The following C9 variants were observed in gnomAD, a reference collection of about 807,000 sequenced individuals.
C9 encodes complement component C9.
A neutral mutation model predicts 65.4 loss-of-function variants in C9; 63 were observed. The ratio of observed to expected loss-of-function variants is 0.96; its 90% CI spans 0.79 to 1.19. C9 has a LOEUF of 1.19. Among genes scored for constraint, C9 ranks in the 50% most tolerant of loss-of-function variants. C9 has a pLI of 0.00. For synonymous variants in C9, 229 were observed against 227.9 expected (o/e 1.00, Z -0.04); for missense variants, 744 against 670.1 (o/e 1.11, Z -1.22).
intron 10 of C9, among the ~76,000 whole-genome samples, chr5:39,286,925 A>C (rs925233498): frequency 6.6e-6 from 1 of 152,002 alleles, no homozygotes; most frequent in Non-Finnish European, 1.5e-5. Context: ...AAGAGATGAA[A>C]ATATGGTTGA....
chr5:39,288,777 G>C lies in C9; in HGVS notation c.1591C>G (p.Pro531Ala), dbSNP rs374608279. Residue 531 changes from proline to alanine, a missense_variant, in exon 10 of 11, where the codon CCA becomes GCA. By Grantham distance (27) the Pro-to-Ala change is conservative (BLOSUM62 -1). Transcript: ENST00000263408. ...LMDGKCLCACPFKFEGIACEI... is the reference protein window; with the variant it reads ...LMDGKCLCACAFKFEGIACEI... ...CAGGCAATTCCCTCAAATTTGAATG[G>C]GCAGGCACACAAACACTTTCCATCC... The C allele has an allele frequency of 6.2e-7, 1 of 1,612,178 alleles. No individual in the cohort carries two copies. Among genetic ancestry groups the C allele is most frequent in the African/African-American group, 1.3e-5 (1 of 74,740 alleles).
In C9 at chr5:39,311,501, C is replaced by G. The variant is rs74592911; in HGVS notation, c.871-124G>C. The G allele has an allele frequency of 7.7e-3, 6,477 of 843,658 alleles. 245 individuals are homozygous for G. In the African/African-American group the frequency reaches 0.091, roughly 12 times the overall value. 52.3% of individuals were successfully genotyped at this position (843,658 alleles called of 1,614,324 possible). The stretch of plus-strand genomic sequence containing the variant: ...TTAGCAGTGACCATGAGATACCACT[C>G]TAATCCACCAGAAGGGCTAAATGTA... On this transcript the variant is annotated intron_variant, in intron 6 of 10. Coordinates refer to ENST00000263408, the MANE Select transcript of C9 (RefSeq NM_001737.5).
At chr5:39,341,412 C>T in intron 3 of C9, 119 bp from the exon 4 acceptor site, 1 of 1,440,404 alleles carries the variant, frequency 6.9e-7, no homozygotes, top group African/African-American at 1.4e-5. Context: ...CATTTGAGTT[C>T]TTTGTACAGA....
At chr5:39,312,735 C>T (rs1338604267) in intron 6 of C9, among the ~76,000 whole-genome samples, 1 of 152,160 alleles carries the variant, frequency 6.6e-6, no homozygotes, top group Non-Finnish European at 1.5e-5. Context: ...GGTCTCCTAA[C>T]AGCTGTGGTT....
At chr5:39,292,589 C>A (rs891665723) in intron 9 of C9, among the ~76,000 whole-genome samples, 1 of 151,602 alleles carries the variant, frequency 6.6e-6, no homozygotes, top group Non-Finnish European at 1.5e-5. Flanking sequence ...CAAAAATATA[C>A]CTTTCTAGTT....
At chr5:39,319,377 C>T (rs573083178) in intron 5 of C9, among the ~76,000 whole-genome samples, 113 of 152,210 alleles carry the variant, frequency 7.4e-4, no homozygotes, top group Non-Finnish European at 1.2e-3. Flanking sequence ...TCCATGGCCT[C>T]AGGCCCGAGG....
Position 39,359,060 on chromosome 5 carries a change from GTA to G in C9, c.77+5326_77+5327del, listed in dbSNP as rs548144571. On this transcript the variant is annotated intron_variant, in intron 1 of 10. Transcript: ENST00000263408. ...TATGTGTGTGTGTGTATATATATGTGTATATATATATGTGTGTGTATATATAT... is the reference window on the plus strand; with the variant it reads ...TATGTGTGTGTGTGTATATATATGTGTATATATATGTGTGTGTATATATAT... Among the ~76,000 whole-genome samples, 980 of 134,052 alleles carry G rather than the reference GTA, an allele frequency of 7.3e-3. 19 individuals carry two copies. Among genetic ancestry groups the G allele is most frequent in the African/African-American group, 0.025 (905 of 36,162 alleles). The allele number at this position is 134,052 out of a possible 152,430, so 87.9% of individuals were successfully genotyped here. A position where few individuals can be genotyped will look rare whatever the true frequency, so the allele number is the denominator to read the frequency against.
intron 8 of C9, 110 bp downstream of exon 8, chr5:39,308,117 AGTT>A: frequency 1.0e-6 from 1 of 988,700 alleles, no homozygotes; most frequent in Non-Finnish European, 1.6e-6. Context: ...AATGTAAGAT[AGTT>A]TTTAAGCACA....
intron 9 of C9, among the ~76,000 whole-genome samples, chr5:39,300,839 T>G (rs757111086): frequency 6.6e-6 from 1 of 152,178 alleles, no homozygotes; most frequent in Non-Finnish European, 1.5e-5. Flanking sequence ...GTTTAACTTC[T>G]TCCTTGCAGT....
intron 4 of C9, among the ~76,000 whole-genome samples, chr5:39,334,141 G>A (rs961104846): frequency 6.7e-6 from 1 of 150,208 alleles, no homozygotes. Flanking sequence ...CTCTCTGCCC[G>A]GCCGCCATCC....
chr5:39,294,915 A>G (rs144862336), intron 9 of C9, among the ~76,000 whole-genome samples: 1 of 152,016 alleles, frequency 6.6e-6, no homozygotes, highest in African/African-American at 2.4e-5. Flanking sequence ...ACATATGGAA[A>G]TCAATAAATG....
chr5:39,342,390 C>A (rs1483928539), intron 1 of C9, among the ~76,000 whole-genome samples, 194 bp from the exon 2 acceptor site: 1 of 152,022 alleles, frequency 6.6e-6, no homozygotes, highest in African/African-American at 2.4e-5. Flanking sequence ...TAATTCTTGT[C>A]TGTATTGTAA....
Position 39,315,808 on chromosome 5 carries a change from A to C in C9, c.837T>G (p.Thr279=). 1 of 1,605,758 alleles carries C rather than the reference A, an allele frequency of 6.2e-7. No individual in the cohort carries two copies. The highest frequency in any genetic ancestry group is 8.5e-7 in the Non-Finnish European group (1 of 1,172,672). The change falls in exon 6 of 11, where the codon ACT becomes ACG. Residue 279 remains threonine, a synonymous_variant. Coordinates refer to ENST00000263408, the MANE Select transcript of C9 (RefSeq NM_001737.5). ...SFRFSYSKNE[T]YQLFLSYSSK... The stretch of plus-strand genomic sequence containing the variant: ...AAGAATATGACAAAAATAGTTGGTA[A>C]GTTTCATTTTTGGAATATGAAAACC...
intron 1 of C9, among the ~76,000 whole-genome samples, chr5:39,347,288 C>T (rs1399511682): frequency 6.6e-6 from 1 of 152,100 alleles, no homozygotes; most frequent in African/African-American, 2.4e-5. Context: ...GTCTCAGCCC[C>T]AAATCTCCTT....
intron 1 of C9, among the ~76,000 whole-genome samples, chr5:39,346,908 C>G (rs1276478391): frequency 6.6e-6 from 1 of 152,106 alleles, no homozygotes; most frequent in Non-Finnish European, 1.5e-5. Flanking sequence ...TAAACAGAAA[C>G]AAAGACAAAA....
At position 39,308,305 on chromosome 5, in the gene C9, G is replaced by C. The variant is rs781415536; in HGVS notation, c.1165C>G (p.Leu389Val). The change falls in exon 8 of 11, where the codon CTG becomes GTG. Residue 389 changes from leucine (L) to valine (V), a missense_variant. Coordinates refer to ENST00000263408, the MANE Select transcript of C9 (RefSeq NM_001737.5). The stretch of plus-strand genomic sequence containing the variant: ...CCAACAGAGATTTCAGAGAAAGCCA[G>C]AGATACATCCAGATGATACCCAAGG... ...RCLGYHLDVS[L>V]AFSEISVGAE... The C allele has an allele frequency of 6.2e-7, 1 of 1,607,396 alleles. No homozygotes were observed. Among genetic ancestry groups the C allele is most frequent in the Non-Finnish European group, 8.5e-7 (1 of 1,173,934 alleles).
At chr5:39,354,004 G>C (rs1338983238) in intron 1 of C9, among the ~76,000 whole-genome samples, 4 of 152,170 alleles carry the variant, frequency 2.6e-5, no homozygotes, top group Non-Finnish European at 5.9e-5. Flanking sequence ...GGATTGCAAG[G>C]CAGGCTTCCT....
At chr5:39,352,740 T>C (rs1246230252) in intron 1 of C9, among the ~76,000 whole-genome samples, 1 of 152,192 alleles carries the variant, frequency 6.6e-6, no homozygotes, top group East Asian at 1.9e-4. Flanking sequence ...CCAGAAGGCA[T>C]CCAGAGGGGT....
intron 1 of C9, 129 bp from the exon 2 acceptor site, chr5:39,342,325 C>G: frequency 1.6e-6 from 1 of 625,016 alleles, no homozygotes; most frequent in Non-Finnish European, 2.9e-6. Flanking sequence ...TTTACTATAT[C>G]TCTCATTTCA....
Sources: gnomAD v4.1 joint callset for allele counts (sites outside exome capture counted in the v4.1 genomes callset) on GRCh38, gnomAD v4.1.1 for gene constraint, MANE v1.5 for transcripts, NCBI Gene and HGNC (gene_info 2026-07-23, HGNC 2026-07-21) for gene names.